The following TNFSF13B variants were observed in gnomAD, a reference collection of about 807,000 sequenced individuals.
The protein encoded by TNFSF13B is tumor necrosis factor ligand superfamily member 13B.
Under a neutral mutation model 29.1 loss-of-function variants are expected in TNFSF13B, and 8 were observed. The ratio of observed to expected loss-of-function variants is 0.27; its 90% confidence interval spans 0.16 to 0.50. TNFSF13B has a LOEUF of 0.50. Among genes scored for constraint, TNFSF13B ranks in the 20% least tolerant of loss-of-function variants. The pLI, the probability that TNFSF13B is intolerant of heterozygous loss-of-function variation, is 0.98. For synonymous variants in TNFSF13B, 125 were observed against 130.8 expected (o/e 0.96, Z 0.30); for missense variants, 248 against 334.9 (o/e 0.74, Z 2.03).
intron 2 of TNFSF13B, among the ~76,000 whole-genome samples, chr13:108,281,074 C>G (rs888671975): frequency 1.4e-4 from 21 of 152,168 alleles, no homozygotes; most frequent in Admixed American, 1.2e-3. Flanking sequence ...CAGAGAAACC[C>G]TGTCTCTACT....
chr13:108,282,729 A>C (rs2139050420), intron 2 of TNFSF13B, among the ~76,000 whole-genome samples: 1 of 152,292 alleles, frequency 6.6e-6, no homozygotes, highest in African/African-American at 2.4e-5. Context: ...GCATTTTATA[A>C]GATTATGTAT....
chr13:108,300,565 T>G (rs1881592384), intron 3 of TNFSF13B, among the ~76,000 whole-genome samples: 1 of 152,198 alleles, frequency 6.6e-6, no homozygotes, highest in South Asian at 2.1e-4. Flanking sequence ...TTGCATACAT[T>G]ATGTCATTTA....
intron 5 of TNFSF13B, among the ~76,000 whole-genome samples, chr13:108,304,787 A>G (rs1410395061): frequency 1.3e-5 from 2 of 152,178 alleles, no homozygotes; most frequent in Non-Finnish European, 2.9e-5. Flanking sequence ...AGTTTCTAAT[A>G]ATGGAAATGA....
intron 3 of TNFSF13B, among the ~76,000 whole-genome samples, chr13:108,290,234 A>T (rs1881266357): frequency 6.6e-6 from 1 of 152,186 alleles, no homozygotes; most frequent in African/African-American, 2.4e-5. Context: ...CTCATATGAA[A>T]AAAAAAGCAG....
chr13:108,305,956 G>A (rs559951525), intron 5 of TNFSF13B, among the ~76,000 whole-genome samples: 1 of 152,204 alleles, frequency 6.6e-6, no homozygotes, highest in East Asian at 1.9e-4. Flanking sequence ...TCTAAAAATA[G>A]CCACAAGTAT....
chr13:108,281,198 G>A (rs1161835508), intron 2 of TNFSF13B, among the ~76,000 whole-genome samples: 2 of 152,022 alleles, frequency 1.3e-5, no homozygotes, highest in Non-Finnish European at 2.9e-5. Context: ...CCAAGATTGT[G>A]CCATTGCACT....
At chr13:108,273,338 G>C (rs572129395) in intron 2 of TNFSF13B, among the ~76,000 whole-genome samples, 1 of 151,914 alleles carries the variant, frequency 6.6e-6, no homozygotes, top group Admixed American at 6.5e-5. Flanking sequence ...AAAATATTAA[G>C]ATTAATTAGC....
chr13:108,278,794 C>T (rs1221336457), intron 2 of TNFSF13B, among the ~76,000 whole-genome samples: 1 of 142,022 alleles, frequency 7.0e-6, no homozygotes, highest in Non-Finnish European at 1.5e-5. Flanking sequence ...GCTGTGACAG[C>T]TCCTGACAGC....
At chr13:108,301,664 G>A (rs1055852632) in intron 3 of TNFSF13B, among the ~76,000 whole-genome samples, 4 of 152,132 alleles carry the variant, frequency 2.6e-5, no homozygotes, top group Admixed American at 1.3e-4. Flanking sequence ...GTGAAAAGAC[G>A]TTGGTCAAAG....
chr13:108,305,232 C>T (rs969932206), intron 5 of TNFSF13B, among the ~76,000 whole-genome samples: 2 of 152,038 alleles, frequency 1.3e-5, no homozygotes, highest in Non-Finnish European at 2.9e-5. Flanking sequence ...CCATTTAAAA[C>T]CACACATTAG....
At chr13:108,273,792 G>A (rs1027028601) in intron 2 of TNFSF13B, among the ~76,000 whole-genome samples, 3 of 152,158 alleles carry the variant, frequency 2.0e-5, no homozygotes, top group African/African-American at 7.2e-5. Flanking sequence ...AAATGCGATA[G>A]TGATGCTGGA....
At chr13:108,298,630 T>C (rs1881519785) in intron 3 of TNFSF13B, among the ~76,000 whole-genome samples, 1 of 145,396 alleles carries the variant, frequency 6.9e-6, no homozygotes, top group South Asian at 2.1e-4. Flanking sequence ...CTTCTCTATA[T>C]ATTCTTTAGA....
chr13:108,290,285 C>T (rs1881268357), intron 3 of TNFSF13B, among the ~76,000 whole-genome samples: 1 of 152,132 alleles, frequency 6.6e-6, no homozygotes, highest in African/African-American at 2.4e-5. Context: ...TTTAACCAGT[C>T]TCCTACCAAT....
intron 2 of TNFSF13B, among the ~76,000 whole-genome samples, chr13:108,278,666 T>TCCCCTCCTCTC (rs375124146): frequency 9.0e-4 from 4 of 4,456 alleles, no homozygotes; most frequent in South Asian, 5.6e-3. Context: ...CTCCTCCTCC[T>TCCCCTCCTCTC]CTCCTCCTCT....
intron 2 of TNFSF13B, among the ~76,000 whole-genome samples, chr13:108,273,467 C>A (rs762991269): frequency 1.2e-4 from 18 of 152,076 alleles, no homozygotes; most frequent in Non-Finnish European, 2.2e-4. Flanking sequence ...CTGTACATAG[C>A]GCCCTTTGTA....
In TNFSF13B at chr13:108,306,996, A is replaced by G; in HGVS notation, c.*58A>G. ...CCCTTTCTCTGTACCTCTAAGAAGAAAGAATCTAACTGAAAATACCAAAAA... is the reference window on the plus strand; with the variant it reads ...CCCTTTCTCTGTACCTCTAAGAAGAGAGAATCTAACTGAAAATACCAAAAA... On this transcript the variant is annotated 3_prime_UTR_variant, in exon 6 of 6. Coordinates refer to ENST00000375887, the MANE Select transcript of TNFSF13B (RefSeq NM_006573.5). 2 of 810,450 alleles carry G rather than the reference A, an allele frequency of 2.5e-6. No homozygotes were observed. The highest frequency in any genetic ancestry group is 1.9e-6 in the Non-Finnish European group (1 of 513,714). The allele number at this position is 810,450 out of a possible 1,614,324, so 50.2% of individuals were successfully genotyped here.
chr13:108,304,630 C>G (rs962934277), intron 5 of TNFSF13B, among the ~76,000 whole-genome samples: 1 of 152,016 alleles, frequency 6.6e-6, no homozygotes, highest in Admixed American at 6.6e-5. Context: ...AATCCAGAAC[C>G]CTGAGGAATG....
chr13:108,273,170 A>G (rs1880667970), intron 2 of TNFSF13B, among the ~76,000 whole-genome samples: 1 of 152,142 alleles, frequency 6.6e-6, no homozygotes. Context: ...ATATAGGTAT[A>G]TATTGCACAC....
chr13:108,305,576 G>A (rs1451574286), intron 5 of TNFSF13B, among the ~76,000 whole-genome samples: 1 of 152,116 alleles, frequency 6.6e-6, no homozygotes, highest in Non-Finnish European at 1.5e-5. Context: ...AAAATGACAA[G>A]TCTGTTCAAC....
Sources: allele counts gnomAD v4.1 joint callset (sites outside exome capture counted in the v4.1 genomes callset), GRCh38; gene constraint gnomAD v4.1.1; transcripts MANE v1.5; gene names NCBI Gene and HGNC (gene_info 2026-07-23, HGNC 2026-07-21).